XYLT1: variants seen among roughly 807,000 people sequenced by gnomAD.
XYLT1 encodes beta-D-xylosyltransferase 1.
In XYLT1, 36 loss-of-function variants were observed where a neutral mutation model predicts 91.3. The ratio of observed to expected loss-of-function variants is 0.39; its 90% CI spans 0.30 to 0.52. XYLT1 has a LOEUF of 0.52. Among genes scored for constraint, XYLT1 ranks in the 20% least tolerant of loss-of-function variants. The probability of loss-of-function intolerance (pLI) is 0.68; values close to 1 mark genes in which losing one functional copy is unlikely to be tolerated. For missense variants in XYLT1, 1,242 were observed against 1,284.5 expected (o/e 0.97, Z 0.51); for synonymous variants, 588 against 532.0 (o/e 1.11, Z -1.45).
intron 1 of XYLT1, among the ~76,000 whole-genome samples, chr16:17,412,134 C>G (rs2036117375): frequency 6.6e-6 from 1 of 152,094 alleles, no homozygotes; most frequent in Non-Finnish European, 1.5e-5. Context: ...AAGAAGTATA[C>G]CTACAACTCC....
intron 1 of XYLT1, among the ~76,000 whole-genome samples, chr16:17,421,334 C>A (rs1237684445): frequency 1.3e-5 from 2 of 152,196 alleles, no homozygotes; most frequent in Non-Finnish European, 2.9e-5. Context: ...TATTTCCTAT[C>A]CCATATGCTC....
At chr16:17,405,602 C>A (rs2141905859) in intron 1 of XYLT1, among the ~76,000 whole-genome samples, 1 of 152,292 alleles carries the variant, frequency 6.6e-6, no homozygotes, top group Middle Eastern at 3.4e-3. Context: ...TCAGCCGAGC[C>A]AGTCTGATGC....
chr16:17,405,802 A>G (rs1404792313), intron 1 of XYLT1, among the ~76,000 whole-genome samples: 2 of 152,222 alleles, frequency 1.3e-5, no homozygotes, highest in African/African-American at 4.8e-5. Flanking sequence ...AGTGAAAAGA[A>G]GGGCACAGTG....
At chr16:17,110,029 G>A (rs1376370026) in intron 11 of XYLT1, among the ~76,000 whole-genome samples, 2 of 152,182 alleles carry the variant, frequency 1.3e-5, no homozygotes, top group Non-Finnish European at 2.9e-5. Context: ...CAGTCACTTT[G>A]TGAAGCACTT....
At chr16:17,298,567 T>A (rs2034349475) in intron 2 of XYLT1, among the ~76,000 whole-genome samples, 1 of 151,976 alleles carries the variant, frequency 6.6e-6, no homozygotes, top group Non-Finnish European at 1.5e-5. Flanking sequence ...GGATGGGAGG[T>A]GGGAGTCCTG....
At chr16:17,189,785 A>G (rs1315313961) in intron 5 of XYLT1, among the ~76,000 whole-genome samples, 1 of 152,198 alleles carries the variant, frequency 6.6e-6, no homozygotes, top group African/African-American at 2.4e-5. Context: ...AGTGGCTTAC[A>G]CCTGTAATCT....
At chr16:17,208,723 C>T (rs541785523) in intron 3 of XYLT1, among the ~76,000 whole-genome samples, 1 of 152,204 alleles carries the variant, frequency 6.6e-6, no homozygotes, top group East Asian at 1.9e-4. Flanking sequence ...ATATAATTTA[C>T]TATTTTAGCC....
At chr16:17,325,393 T>C (rs979148842) in intron 2 of XYLT1, among the ~76,000 whole-genome samples, 3 of 152,194 alleles carry the variant, frequency 2.0e-5, no homozygotes, top group Admixed American at 6.5e-5. Flanking sequence ...AGAGCGAGAC[T>C]CTGTCTCAAA....
chr16:17,342,364 A>G (rs2035073893), intron 2 of XYLT1, among the ~76,000 whole-genome samples: 1 of 152,130 alleles, frequency 6.6e-6, no homozygotes, highest in Non-Finnish European at 1.5e-5. Flanking sequence ...GGCCTTACCT[A>G]GCCCACAGTC....
At chr16:17,133,150 C>A (rs142722338) in intron 9 of XYLT1, among the ~76,000 whole-genome samples, 1 of 152,028 alleles carries the variant, frequency 6.6e-6, no homozygotes, top group Non-Finnish European at 1.5e-5. Context: ...AGAGAGAAGC[C>A]GAGGGATGTG....
At chr16:17,288,363 A>G (rs543920830) in intron 2 of XYLT1, among the ~76,000 whole-genome samples, 7 of 152,020 alleles carry the variant, frequency 4.6e-5, no homozygotes, top group South Asian at 4.2e-4. Context: ...TAACTTAGCT[A>G]TACAGTTTCA....
intron 11 of XYLT1, among the ~76,000 whole-genome samples, chr16:17,116,912 C>T (rs554491489): frequency 2.0e-4 from 30 of 152,184 alleles, no homozygotes; most frequent in Non-Finnish European, 3.5e-4. Context: ...CATGTTTTTG[C>T]GTGTGTGAGG....
chr16:17,156,077 A>G (rs983470171), intron 6 of XYLT1, among the ~76,000 whole-genome samples: 2 of 152,246 alleles, frequency 1.3e-5, no homozygotes, highest in African/African-American at 4.8e-5. Context: ...CAATGAATAA[A>G]TGAGTATAGG....
intron 8 of XYLT1, among the ~76,000 whole-genome samples, 180 bp from the exon 9 acceptor site, chr16:17,134,915 G>C (rs1277700003): frequency 6.6e-6 from 1 of 151,302 alleles, no homozygotes; most frequent in African/African-American, 2.4e-5. Flanking sequence ...TAATAAGGGT[G>C]TGAGTTAATC....
intron 6 of XYLT1, among the ~76,000 whole-genome samples, chr16:17,149,868 C>T (rs976957678): frequency 4.6e-5 from 7 of 152,148 alleles, no homozygotes; most frequent in Non-Finnish European, 8.8e-5. Flanking sequence ...TGTGATGATT[C>T]AAATGAGATT....
At chr16:17,300,629 A>T (rs1335858048) in intron 2 of XYLT1, among the ~76,000 whole-genome samples, 1 of 150,144 alleles carries the variant, frequency 6.7e-6, no homozygotes, top group Non-Finnish European at 1.5e-5. Flanking sequence ...GCTAATTTTC[A>T]TGTTTTTAGT....
chr16:17,367,361 G>C (rs1054032066), intron 1 of XYLT1, among the ~76,000 whole-genome samples: 3 of 152,226 alleles, frequency 2.0e-5, no homozygotes, highest in South Asian at 2.1e-4. Context: ...CACCCAGGCT[G>C]TGTTTGAACA....
chr16:17,257,573 G>T lies in XYLT1; in HGVS notation c.913+1415C>A, dbSNP rs76652249. ...GTAAGCTATGGTGGCAGGGGCTAGC[G>T]GGAGGGAAGGGGGCGTGCCCTAAAC... On this transcript the variant is annotated intron_variant, in intron 3 of 11. Coordinates refer to ENST00000261381, the MANE Select transcript of XYLT1 (RefSeq NM_022166.4). Among the ~76,000 whole-genome samples, 185 of 152,274 alleles carry T rather than the reference G, an allele frequency of 1.2e-3. 1 individual carries two copies. In the East Asian group the frequency reaches 0.033, roughly 27 times the overall value.
intron 2 of XYLT1, among the ~76,000 whole-genome samples, chr16:17,301,732 T>A (rs1567364088): frequency 6.6e-6 from 1 of 152,158 alleles, no homozygotes; most frequent in Non-Finnish European, 1.5e-5. Flanking sequence ...AGGTGGCGAA[T>A]GCTAATATCA....
Sources: allele counts gnomAD v4.1 joint callset (sites outside exome capture counted in the v4.1 genomes callset), GRCh38; gene constraint gnomAD v4.1.1; transcripts MANE v1.5; gene names NCBI Gene and HGNC (gene_info 2026-07-23, HGNC 2026-07-21).